ABRAXAS2: variants seen among roughly 807,000 people sequenced by gnomAD.
ABRAXAS2 encodes abraxas 2, BRISC complex subunit.
ABRAXAS2 carries 23 observed loss-of-function variants against 49.0 expected under a neutral mutation model. The ratio of observed to expected loss-of-function variants is 0.47; its 90% CI spans 0.34 to 0.66. The LOEUF (loss-of-function observed/expected upper bound fraction) is 0.66, where lower values mean the gene tolerates loss of function less well. Ranked by LOEUF, ABRAXAS2 falls within the 30% of genes least tolerant of loss-of-function variation. The pLI, the probability that ABRAXAS2 is intolerant of heterozygous loss-of-function variation, is 0.01. For synonymous variants in ABRAXAS2, 168 were observed against 180.2 expected (o/e 0.93, Z 0.54); for missense variants, 443 against 511.9 (o/e 0.87, Z 1.30).
At chr10:124,827,958 G>A (rs901093548) in intron 5 of ABRAXAS2, among the ~76,000 whole-genome samples, 2 of 152,202 alleles carry the variant, frequency 1.3e-5, no homozygotes, top group South Asian at 2.1e-4. Context: ...TCAGCATTGT[G>A]TCAGTCACTG....
intron 8 of ABRAXAS2, among the ~76,000 whole-genome samples, chr10:124,833,531 G>A (rs1296167726): frequency 6.6e-6 from 1 of 152,174 alleles, no homozygotes; most frequent in Non-Finnish European, 1.5e-5. Context: ...TTATATACAT[G>A]TACAGACAAA....
intron 4 of ABRAXAS2, among the ~76,000 whole-genome samples, chr10:124,821,169 T>C (rs1233439328): frequency 6.6e-6 from 1 of 151,958 alleles, no homozygotes; most frequent in African/African-American, 2.4e-5. Flanking sequence ...CACCTCGGCC[T>C]CCCCAAGTGC....
chr10:124,827,167 T>C (rs1442531878), intron 5 of ABRAXAS2, among the ~76,000 whole-genome samples: 1 of 143,030 alleles, frequency 7.0e-6, no homozygotes, highest in African/African-American at 3.0e-5. Context: ...AGTGCATTTT[T>C]TTTTTTTTTT....
At chr10:124,822,187 C>T (rs909060728) in intron 4 of ABRAXAS2, among the ~76,000 whole-genome samples, 4 of 152,088 alleles carry the variant, frequency 2.6e-5, no homozygotes, top group African/African-American at 9.7e-5. Context: ...GTTCTGTTGG[C>T]GCTTCCATAC....
intron 2 of ABRAXAS2, among the ~76,000 whole-genome samples, chr10:124,812,765 AT>A (rs1564920035): frequency 6.6e-6 from 1 of 152,188 alleles, no homozygotes; most frequent in Non-Finnish European, 1.5e-5. Flanking sequence ...GTATAAAGAG[AT>A]TTTCTGGCAT....
intron 4 of ABRAXAS2, among the ~76,000 whole-genome samples, chr10:124,822,618 C>A (rs1950868750): frequency 6.6e-6 from 1 of 152,004 alleles, no homozygotes; most frequent in Non-Finnish European, 1.5e-5. Flanking sequence ...CATGGCAAAA[C>A]CCTGTCTCTA....
At chr10:124,812,388 C>A (rs1020021030) in intron 2 of ABRAXAS2, among the ~76,000 whole-genome samples, 15 of 152,138 alleles carry the variant, frequency 9.9e-5, no homozygotes, top group Admixed American at 9.2e-4. Flanking sequence ...AGGTGGCTCA[C>A]ACCTGTAAAG....
At chr10:124,802,348 G>T (rs1950711275) in intron 1 of ABRAXAS2, among the ~76,000 whole-genome samples, 1 of 152,268 alleles carries the variant, frequency 6.6e-6, no homozygotes, top group Admixed American at 6.5e-5. Flanking sequence ...TGTCGTGGGG[G>T]TGCTGCGAGT....
chr10:124,833,308 A>G (rs1950947329), intron 8 of ABRAXAS2, among the ~76,000 whole-genome samples: 1 of 147,566 alleles, frequency 6.8e-6, no homozygotes, highest in African/African-American at 2.5e-5. Context: ...CTCTACTTCA[A>G]AAAAAAAAAA....
At chr10:124,811,844 C>G (rs904369255) in intron 2 of ABRAXAS2, among the ~76,000 whole-genome samples, 8 of 152,174 alleles carry the variant, frequency 5.3e-5, no homozygotes, top group Admixed American at 1.3e-4. Flanking sequence ...GGCGCACAAT[C>G]TTGGCTCACC....
At chr10:124,805,122 A>G (rs1334422068) in intron 1 of ABRAXAS2, among the ~76,000 whole-genome samples, 1 of 152,108 alleles carries the variant, frequency 6.6e-6, no homozygotes, top group Non-Finnish European at 1.5e-5. Context: ...CTGTCTTGTC[A>G]GGAGATCGAG....
intron 8 of ABRAXAS2, among the ~76,000 whole-genome samples, chr10:124,832,477 G>T (rs1229185236): frequency 6.6e-6 from 1 of 152,162 alleles, no homozygotes; most frequent in African/African-American, 2.4e-5. Context: ...ATATAATCCA[G>T]TTAAAATGTA....
intron 4 of ABRAXAS2, among the ~76,000 whole-genome samples, chr10:124,823,078 A>G (rs895957353): frequency 5.9e-5 from 9 of 152,160 alleles, no homozygotes; most frequent in Non-Finnish European, 1.2e-4. Flanking sequence ...CTTGGAAAAT[A>G]TGTTTCATTT....
At chr10:124,812,935 C>T (rs1455997511) in intron 2 of ABRAXAS2, among the ~76,000 whole-genome samples, 4 of 152,198 alleles carry the variant, frequency 2.6e-5, no homozygotes, top group Admixed American at 2.0e-4. Context: ...GGCGTGGTGG[C>T]TCATGCCTGT....
chr10:124,816,169 G>A (rs954005329), intron 2 of ABRAXAS2, among the ~76,000 whole-genome samples: 1 of 152,132 alleles, frequency 6.6e-6, no homozygotes, highest in Non-Finnish European at 1.5e-5. Context: ...CCAAAGTGCT[G>A]GGATTACAGG....
In ABRAXAS2 at chr10:124,806,840, T is replaced by G; in HGVS notation, c.82T>G (p.Leu28Val). 6.2e-7 allele frequency: 1 copy of G among 1,601,800 alleles called. No homozygotes were observed. Among genetic ancestry groups the G allele is most frequent in the Non-Finnish European group, 8.5e-7 (1 of 1,174,036 alleles). Reference sequence around the variant, plus strand: ...CTTTAATTACTTTTAGGAAGGATTTTTACTGGGAGAGGTAAGACAAGAGGA... The same window carrying G: ...CTTTAATTACTTTTAGGAAGGATTTGTACTGGGAGAGGTAAGACAAGAGGA... Reference protein sequence around the residue: ...ANSNADHEGFLLGEVRQEETF... With the variant: ...ANSNADHEGFVLGEVRQEETF... The change falls in exon 2 of 9, where the codon TTA becomes GTA. Residue 28 changes from leucine to valine, a missense_variant. By Grantham distance (32) the Leu-to-Val change is conservative. Transcript: ENST00000298492.
intron 5 of ABRAXAS2, among the ~76,000 whole-genome samples, chr10:124,827,829 A>T (rs1589809829): frequency 6.6e-6 from 1 of 152,118 alleles, no homozygotes; most frequent in East Asian, 1.9e-4. Flanking sequence ...TCCCTCTGGA[A>T]GTTTATTTGT....
At position 124,828,752 on chromosome 10, in the gene ABRAXAS2, A is replaced by G. The variant is rs1164259684; in HGVS notation, c.459-4A>G. 1.2e-5 allele frequency: 20 copies of G among 1,611,644 alleles called. No homozygotes were observed. Among genetic ancestry groups the G allele is most frequent in the Admixed American group, 1.7e-5 (1 of 59,690 alleles). ...AACATGATCTCTCTGAATTTTTCCC[A>G]TAGGTATAATCAGAGGATATCACTC... is the stretch of plus-strand genomic sequence containing the variant. On this transcript the variant is annotated splice_region_variant and splice_polypyrimidine_tract_variant and intron_variant, in intron 5 of 8. Coordinates refer to ENST00000298492, the MANE Select transcript of ABRAXAS2 (RefSeq NM_032182.4).
rs1165449533 is a variant in ABRAXAS2 at position 124,835,303 on chromosome 10, T to C, written c.*332T>C. On this transcript the variant is annotated 3_prime_UTR_variant, in exon 9 of 9. Transcript: ENST00000298492. The stretch of plus-strand genomic sequence containing the variant: ...TTGGAAATTAGAGACTAAGCACAAT[T>C]AGTCTATAAATGTTCTATAAATCAA... 1 of 188,542 alleles carries C rather than the reference T, an allele frequency of 5.3e-6. No individual in the cohort carries two copies. The highest frequency in any genetic ancestry group is 5.6e-5 in the Admixed American group (1 of 17,898). The allele number at this position is 188,542 out of a possible 1,614,324, so 11.7% of individuals were successfully genotyped here. A position where few individuals can be genotyped will look rare whatever the true frequency, so the allele number is the denominator to read the frequency against.
Sources: allele counts gnomAD v4.1 joint callset (sites outside exome capture counted in the v4.1 genomes callset), GRCh38; gene constraint gnomAD v4.1.1; transcripts MANE v1.5; gene names NCBI Gene and HGNC (gene_info 2026-07-23, HGNC 2026-07-21).